UTP15: variants seen among roughly 807,000 people sequenced by gnomAD.
The protein encoded by UTP15 is UTP15 small subunit processome component, also known as U3 small nucleolar RNA-associated protein 15 homolog.
In UTP15, 5 loss-of-function variants were observed where a neutral mutation model predicts 59.1. The ratio of observed to expected loss-of-function variants is 0.08; its 90% CI spans 0.04 to 0.18. UTP15 has a LOEUF of 0.18. UTP15 is among the 10% of genes least tolerant of loss of function. The pLI is 1.00. For missense variants in UTP15, 494 were observed against 616.7 expected, an observed-to-expected ratio of 0.80 and a Z score of 2.11; for synonymous variants, 211 against 212.2, an observed-to-expected ratio of 0.99 and a Z score of 0.05.
chr5:73,578,897 A>T (rs769616892), intron 10 of UTP15, 45 bp downstream of exon 10: 46 of 1,574,030 alleles, frequency 2.9e-5, no homozygotes, highest in Admixed American at 3.4e-5. Context: ...CTTACCCTGC[A>T]TATTACCATG....
rs757110486 is a variant in UTP15 at position 73,583,179 on chromosome 5, T to C, written c.*3085T>C. 3 of 152,196 alleles carry C rather than the reference T, an allele frequency of 2.0e-5. No individual in the cohort carries two copies. The highest frequency in any genetic ancestry group is 2.9e-5 in the Non-Finnish European group (2 of 68,030). 9.4% of individuals were successfully genotyped at this position (152,196 alleles called of 1,614,324 possible). On this transcript the variant is annotated 3_prime_UTR_variant, in exon 13 of 13. Coordinates refer to ENST00000296792, the MANE Select transcript of UTP15 (RefSeq NM_032175.4). ...CCCTCAGCTATAGTTAACTGGACCA[T>C]GGTGGTACAACTGACTCAACCCTTC...
chr5:73,574,766 G>A (rs1256902026), intron 7 of UTP15, among the ~76,000 whole-genome samples: 4 of 152,106 alleles, frequency 2.6e-5, no homozygotes, highest in East Asian at 3.8e-4. Flanking sequence ...GATTACTGGC[G>A]TGAGCCACCG....
At chr5:73,578,688 TA>T in intron 9 of UTP15, 62 bp from the exon 10 acceptor site, 1 of 1,395,104 alleles carries the variant, frequency 7.2e-7, no homozygotes, top group Non-Finnish European at 1.0e-6. Context: ...AAAAAGTTTA[TA>T]TTAAATGTAT....
chr5:73,570,531 A>G, intron 5 of UTP15, 55 bp from the exon 6 acceptor site: 1 of 1,568,418 alleles, frequency 6.4e-7, no homozygotes. Flanking sequence ...CTGGATACAC[A>G]CAGTTTTTGT....
rs371279131 is a variant in UTP15, at chr5:73,569,509, A to G, written c.381A>G (p.Thr127=). 24 of 1,607,888 alleles carry G rather than the reference A, an allele frequency of 1.5e-5. No individual in the cohort carries two copies. Among genetic ancestry groups the G allele is most frequent in the African/African-American group, 1.1e-4 (8 of 74,588 alleles). The change falls in exon 5 of 13, where the codon ACA becomes ACG. Residue 127 remains threonine, a synonymous_variant. Coordinates refer to ENST00000296792, the MANE Select transcript of UTP15 (RefSeq NM_032175.4). ...QFEGHTKAVH[T]VDFTADKYHV... is the part of the protein sequence containing the mutation. ...TTCAATCTTTCAGAGCAGTTCATAC[A>G]GTAGATTTTACAGCTGACAAATATC...
chr5:73,572,136 T>C (rs912390410), intron 6 of UTP15, among the ~76,000 whole-genome samples: 3 of 151,920 alleles, frequency 2.0e-5, no homozygotes, highest in African/African-American at 7.3e-5. Flanking sequence ...TTGCTTGATA[T>C]TTTGCTGCAG....
At position 73,581,055 on chromosome 5, in the gene UTP15, T is replaced by A. The variant is rs560476200; in HGVS notation, c.*961T>A. ...AATGTAAATAATTATTTTTTAGAAGTTTTTTTTTTTTTTTTAAAGACAGGG... is the reference window on the plus strand; with the variant it reads ...AATGTAAATAATTATTTTTTAGAAGATTTTTTTTTTTTTTTAAAGACAGGG... On this transcript the variant is annotated 3_prime_UTR_variant, in exon 13 of 13. Coordinates refer to ENST00000296792, the MANE Select transcript of UTP15 (RefSeq NM_032175.4). The A allele has an allele frequency of 1.7e-4, 24 of 140,074 alleles. No homozygotes were observed. Among genetic ancestry groups the A allele is most frequent in the African/African-American group, 6.2e-4 (24 of 38,712 alleles). 8.7% of individuals were successfully genotyped at this position (140,074 alleles called of 1,614,324 possible).
chr5:73,569,760 G>T, intron 5 of UTP15, 85 bp downstream of exon 5: 1 of 1,235,276 alleles, frequency 8.1e-7, no homozygotes, highest in South Asian at 2.0e-5. Flanking sequence ...TGGGATGGAG[G>T]GGTTTAAATT....
intron 4 of UTP15, among the ~76,000 whole-genome samples, chr5:73,568,944 A>G (rs1464894055): frequency 6.6e-6 from 1 of 152,216 alleles, no homozygotes; most frequent in Admixed American, 6.5e-5. Context: ...TGACAGCTCT[A>G]TAGGCCTGTA....
At position 73,581,169 on chromosome 5, in the gene UTP15, C is replaced by T. The variant is rs1748292433; in HGVS notation, c.*1075C>T. 1 of 151,958 alleles carries T rather than the reference C, an allele frequency of 6.6e-6. No individual in the cohort carries two copies. Among genetic ancestry groups the T allele is most frequent in the Non-Finnish European group, 1.5e-5 (1 of 68,068 alleles). 9.4% of individuals were successfully genotyped at this position (151,958 alleles called of 1,614,324 possible). A position where few individuals can be genotyped will look rare whatever the true frequency, so the allele number is the denominator to read the frequency against. ...TCCCGGGTTTAAGCAGTTCTCCTGC[C>T]TCAGCCTCCTGAGTAGCTGGGATTA... On this transcript the variant is annotated 3_prime_UTR_variant, in exon 13 of 13. Transcript: ENST00000296792.
chr5:73,579,455 T>A, intron 12 of UTP15, 80 bp downstream of exon 12: 1 of 1,052,356 alleles, frequency 9.5e-7, no homozygotes, highest in Non-Finnish European at 1.4e-6. Flanking sequence ...GGAAATCAAG[T>A]AGATCAAAAT....
At position 73,567,365 on chromosome 5, in the gene UTP15, A is replaced by G. The variant is rs1397084794; in HGVS notation, c.21A>G (p.Val7=). MAGYKP[V]AIQTYPILGE... The stretch of plus-strand genomic sequence containing the variant: ...GAATTATGGCTGGTTATAAGCCTGT[A>G]GCTATTCAGACATATCCTATACTTG... The change falls in exon 2 of 13, where the codon GTA becomes GTG. Residue 7 remains valine (V), a synonymous_variant. Coordinates refer to ENST00000296792, the MANE Select transcript of UTP15 (RefSeq NM_032175.4). 1.2e-6 allele frequency: 2 copies of G among 1,608,548 alleles called. No individual in the cohort carries two copies. The highest frequency in any genetic ancestry group is 1.7e-6 in the Non-Finnish European group (2 of 1,177,268).
rs773669272 is a variant in UTP15, at chr5:73,572,647, ATAT to A, written c.809+32_809+34del. The A allele has an allele frequency of 1.1e-5, 18 of 1,605,202 alleles. No individual in the cohort carries two copies. The East Asian group carries it at 4.0e-4, about 36-fold the overall frequency. The stretch of plus-strand genomic sequence containing the variant: ...TAGGTTGGCATTTTAATTTTTTTGT[ATAT>A]TATTATTAGTGTACACCTGTTTACT... On this transcript the variant is annotated intron_variant, in intron 7 of 12. Coordinates refer to ENST00000296792, the MANE Select transcript of UTP15 (RefSeq NM_032175.4).
At chr5:73,574,616 T>G (rs995825914) in intron 7 of UTP15, among the ~76,000 whole-genome samples, 1 of 151,928 alleles carries the variant, frequency 6.6e-6, no homozygotes, top group Non-Finnish European at 1.5e-5. Flanking sequence ...GCTTCCTCAG[T>G]AGCTGGGACC....
rs1466969269 is a variant in UTP15 at position 73,581,413 on chromosome 5, C to T, written c.*1319C>T. Reference sequence around the variant, plus strand: ...TTCTTGGCTTTTTGATGTATCTGTTCCTGATAGATAATCATTGGCTAGTAA... The same window carrying T: ...TTCTTGGCTTTTTGATGTATCTGTTTCTGATAGATAATCATTGGCTAGTAA... On this transcript the variant is annotated 3_prime_UTR_variant, in exon 13 of 13. Transcript: ENST00000296792. 1.3e-5 allele frequency: 2 copies of T among 151,992 alleles called. No homozygotes were observed. The highest frequency in any genetic ancestry group is 2.9e-5 in the Non-Finnish European group (2 of 67,994). 9.4% of individuals were successfully genotyped at this position (151,992 alleles called of 1,614,324 possible).
In UTP15 at chr5:73,578,098, T is replaced by A. The variant is rs1748156778; in HGVS notation, c.1044+93T>A. On this transcript the variant is annotated intron_variant, in intron 9 of 12. Transcript: ENST00000296792. ...ACATTACTGGAAAGCGTAGTTCACA[T>A]GGCACTTTATTTTGCTTTTCTCTAC... The A allele has an allele frequency of 2.9e-6, 4 of 1,385,428 alleles. No individual in the cohort carries two copies. The Admixed American group carries it at 7.7e-5, about 27-fold the overall frequency. 85.8% of individuals were successfully genotyped at this position (1,385,428 alleles called of 1,614,324 possible).
rs1219440967 is a variant in UTP15 at position 73,583,363 on chromosome 5, CT to C, written c.*3272del. 6.6e-6 allele frequency: 1 copy of C among 152,188 alleles called. No homozygotes were observed. Among genetic ancestry groups the C allele is most frequent in the African/African-American group, 2.4e-5 (1 of 41,438 alleles). The allele number at this position is 152,188 out of a possible 1,614,324, so 9.4% of individuals were successfully genotyped here. A position where few individuals can be genotyped will look rare whatever the true frequency, so the allele number is the denominator to read the frequency against. ...TGCAAAGAAAATAAAGATTATCCTG[CT>C]TTAATAGTTCAGACTAGAGGAGAGA... On this transcript the variant is annotated 3_prime_UTR_variant, in exon 13 of 13. Coordinates refer to ENST00000296792, the MANE Select transcript of UTP15 (RefSeq NM_032175.4).
At chr5:73,574,183 C>A (rs1748022069) in intron 7 of UTP15, among the ~76,000 whole-genome samples, 1 of 151,508 alleles carries the variant, frequency 6.6e-6, no homozygotes, top group Non-Finnish European at 1.5e-5. Context: ...AATTAGCTGG[C>A]CACAGTGGTA....
chr5:73,570,834 A>T, intron 6 of UTP15, 123 bp downstream of exon 6: 1 of 1,355,494 alleles, frequency 7.4e-7, no homozygotes, highest in Non-Finnish European at 1.0e-6. Flanking sequence ...TTGTTCAAAC[A>T]GTTGATAGGT....
Sources: allele counts gnomAD v4.1 joint callset (sites outside exome capture counted in the v4.1 genomes callset), GRCh38; gene constraint gnomAD v4.1.1; transcripts MANE v1.5; gene names NCBI Gene and HGNC (gene_info 2026-07-23, HGNC 2026-07-21).